Variants in FAM3D observed in about 807,000 individuals in gnomAD.
The protein encoded by FAM3D is protein FAM3D.
FAM3D carries 26 observed loss-of-function variants against 29.8 expected under a neutral mutation model. The observed-to-expected ratio is 0.87, with a 90% CI of 0.64 to 1.21. FAM3D has a LOEUF of 1.21. FAM3D is among the 50% of genes most tolerant of loss of function. The pLI is 0.00. For missense variants in FAM3D, 253 were observed against 290.9 expected (o/e 0.87, Z 0.95); for synonymous variants, 115 against 102.3 (o/e 1.12, Z -0.75).
chr3:58,648,980 C>T (rs899223272), intron 4 of FAM3D, among the ~76,000 whole-genome samples: 3 of 152,172 alleles, frequency 2.0e-5, no homozygotes, highest in Admixed American at 6.5e-5. Flanking sequence ...CCCTGGTCCT[C>T]GGGCTCCCAG....
intron 3 of FAM3D, among the ~76,000 whole-genome samples, chr3:58,652,661 T>G (rs1330566182): frequency 6.6e-6 from 1 of 151,706 alleles, no homozygotes; most frequent in Non-Finnish European, 1.5e-5. Flanking sequence ...TACTTATCCC[T>G]CCATCTATCC....
chr3:58,634,054 A>T lies in FAM3D; in HGVS notation c.*225T>A. On this transcript the variant is annotated 3_prime_UTR_variant, in exon 10 of 10. Coordinates refer to ENST00000358781, the MANE Select transcript of FAM3D (RefSeq NM_138805.3). This position sits in a 1 kb window ranked among gnomAD's most constrained non-coding sequence, Gnocchi z 4.6. The stretch of plus-strand genomic sequence containing the variant: ...GACGAAAGCACCCCATTCTCTCCAC[A>T]GACAGCTGGTTCCAGAAGGACCCTC... The T allele has an allele frequency of 2.0e-6, 1 of 506,090 alleles. No individual in the cohort carries two copies. The highest frequency in any genetic ancestry group is 2.0e-5 in the African/African-American group (1 of 50,186). The allele number at this position is 506,090 out of a possible 1,614,324, so 31.3% of individuals were successfully genotyped here.
At chr3:58,662,189 T>TGCTGGGG in intron 1 of FAM3D, among the ~76,000 whole-genome samples, 2 of 152,342 alleles carry the variant, frequency 1.3e-5, no homozygotes, top group East Asian at 3.9e-4. Context: ...GCAGGCCTGC[T>TGCTGGGG]GCTGGCCTAT....
chr3:58,662,787 A>C (rs972535781), intron 1 of FAM3D, among the ~76,000 whole-genome samples: 2 of 152,206 alleles, frequency 1.3e-5, no homozygotes, highest in Non-Finnish European at 2.9e-5. Context: ...CTCTGGCTCC[A>C]GGGGTGACTC....
At chr3:58,641,849 C>T (rs1374992402) in intron 6 of FAM3D, among the ~76,000 whole-genome samples, 2 of 152,064 alleles carry the variant, frequency 1.3e-5, no homozygotes, top group African/African-American at 4.8e-5. Flanking sequence ...GGGAAAGAGG[C>T]CTAGTCTGGG....
Position 58,636,275 on chromosome 3 carries a change from G to C in FAM3D, c.585+19C>G. On this transcript the variant is annotated intron_variant, in intron 9 of 9. Transcript: ENST00000358781. ...CCTCATGCATCCTTCATAGGGCCGG[G>C]TTGTGGCCCAGAACCCACCTGCTCA... 1.9e-6 allele frequency: 3 copies of C among 1,611,450 alleles called. No individual in the cohort carries two copies. Among genetic ancestry groups the C allele is most frequent in the Non-Finnish European group, 2.5e-6 (3 of 1,178,708 alleles).
chr3:58,655,616 A>C lies in FAM3D; in HGVS notation c.-38-15T>G. On this transcript the variant is annotated splice_polypyrimidine_tract_variant and intron_variant, in intron 1 of 9. Coordinates refer to ENST00000358781, the MANE Select transcript of FAM3D (RefSeq NM_138805.3). ...TCAGCTTCCACCTATGGAGAGAAGA[A>C]AATCCAGTCGGAAACTGGCATCAGG... The C allele has an allele frequency of 6.2e-7, 1 of 1,603,800 alleles. No individual in the cohort carries two copies. The highest frequency in any genetic ancestry group is 2.2e-5 in the East Asian group (1 of 44,746).
At chr3:58,650,903 G>A (rs1348141447) in intron 3 of FAM3D, among the ~76,000 whole-genome samples, 1 of 151,974 alleles carries the variant, frequency 6.6e-6, no homozygotes, top group East Asian at 1.9e-4. Context: ...ACTTTTAGTA[G>A]AGATGGGGTT....
chr3:58,645,600 T>C lies in FAM3D; in HGVS notation c.172A>G (p.Ile58Val). The C allele has an allele frequency of 6.2e-7, 1 of 1,614,204 alleles. No homozygotes were observed. ...IQVKKYKCGLIKPCPANYFAF... is the reference protein window; with the variant it reads ...IQVKKYKCGLVKPCPANYFAF... ...AAGTAGTTGGCTGGGCAGGGCTTGA[T>C]GAGGCCACACTTGTACTTTTTAACC... The change falls in exon 5 of 10, where the codon ATC becomes GTC. Residue 58 changes from isoleucine to valine, a missense_variant. Ile to Val is a conservative substitution (Grantham distance 29). Transcript: ENST00000358781.
chr3:58,643,911 A>G (rs1280698931), intron 5 of FAM3D, among the ~76,000 whole-genome samples, 191 bp from the exon 6 acceptor site: 1 of 152,206 alleles, frequency 6.6e-6, no homozygotes, highest in Admixed American at 6.5e-5. Context: ...AGAGTTTCTC[A>G]AGGCATGTTG....
chr3:58,664,229 T>A lies in FAM3D; in HGVS notation c.-39+2347A>T, dbSNP rs12493106. 2.0e-5 allele frequency among the ~76,000 whole-genome samples: 3 copies of A among 152,224 alleles called. No individual in the cohort carries two copies. The East Asian group carries it at 5.8e-4, about 29-fold the overall frequency. ...AACCAGCTAATCCATGTACAGTACTTGGCACCATTCTATAGACACAGTCAA... is the reference window on the plus strand; with the variant it reads ...AACCAGCTAATCCATGTACAGTACTAGGCACCATTCTATAGACACAGTCAA... On this transcript the variant is annotated intron_variant, in intron 1 of 9. Transcript: ENST00000358781.
intron 4 of FAM3D, among the ~76,000 whole-genome samples, chr3:58,645,918 C>T (rs2066465233): frequency 6.6e-6 from 1 of 152,170 alleles, no homozygotes; most frequent in Non-Finnish European, 1.5e-5. Flanking sequence ...CCAGAGTAAA[C>T]CTGAGTCACT....
At chr3:58,659,789 A>G (rs915619070) in intron 1 of FAM3D, among the ~76,000 whole-genome samples, 71 of 152,166 alleles carry the variant, frequency 4.7e-4, no homozygotes, top group African/African-American at 1.6e-3. Flanking sequence ...CATCTAAATG[A>G]CTTCTTTTTT....
intron 4 of FAM3D, among the ~76,000 whole-genome samples, chr3:58,646,182 G>T (rs1159061619): frequency 2.0e-5 from 3 of 152,210 alleles, no homozygotes; most frequent in African/African-American, 4.8e-5. Flanking sequence ...AGTACACATT[G>T]GCTATTCTTC....
intron 3 of FAM3D, among the ~76,000 whole-genome samples, chr3:58,651,633 C>T (rs116050833): frequency 1.3e-5 from 2 of 152,158 alleles, no homozygotes; most frequent in East Asian, 1.9e-4. Flanking sequence ...GCTTGTCAAA[C>T]CCCAGGTAGT....
In FAM3D at chr3:58,636,305, G is replaced by A; in HGVS notation, c.574C>T (p.Pro192Ser). 1 of 1,614,044 alleles carries A rather than the reference G, an allele frequency of 6.2e-7. No homozygotes were observed. Reference sequence around the variant, plus strand: ...GGCCCAGAACCCACCTGCTCAAAGGGGCTTTTACCCCTGAGGTCTTTGGCT... The same window carrying A: ...GGCCCAGAACCCACCTGCTCAAAGGAGCTTTTACCCCTGAGGTCTTTGGCT... The part of the protein sequence containing the change: ...IGAKDLRGKS[P>S]FEQFLKNSPD... Residue 192 changes from proline to serine, a missense_variant, in exon 9 of 10, where the codon CCC becomes TCC. Coordinates refer to ENST00000358781, the MANE Select transcript of FAM3D (RefSeq NM_138805.3).
At chr3:58,643,330 G>A (rs1441132210) in intron 6 of FAM3D, among the ~76,000 whole-genome samples, 1 of 152,256 alleles carries the variant, frequency 6.6e-6, no homozygotes, top group East Asian at 1.9e-4. Context: ...ATCTTGCACT[G>A]TCATTGGTTG....
intron 1 of FAM3D, among the ~76,000 whole-genome samples, chr3:58,663,264 T>C (rs1382788720): frequency 6.6e-6 from 1 of 152,188 alleles, no homozygotes; most frequent in Non-Finnish European, 1.5e-5. Context: ...AGTGGCTAAG[T>C]TGAGATGACT....
intron 3 of FAM3D, 67 bp from the exon 4 acceptor site, chr3:58,649,405 G>A (rs532678201): frequency 6.3e-7 from 1 of 1,589,836 alleles, no homozygotes; most frequent in African/African-American, 1.3e-5. Context: ...TGGAGGTTGG[G>A]GGCTGGGGGC....
Sources: allele counts gnomAD v4.1 joint callset (sites outside exome capture counted in the v4.1 genomes callset), GRCh38; gene constraint gnomAD v4.1.1; non-coding constraint Gnocchi (gnomAD v3.1); transcripts MANE v1.5; gene names NCBI Gene and HGNC (gene_info 2026-07-23, HGNC 2026-07-21).